The following RUNDC3B variants were observed in gnomAD, a reference collection of about 807,000 sequenced individuals.
The protein encoded by RUNDC3B is RUN domain-containing protein 3B.
Under a neutral mutation model 58.4 loss-of-function variants are expected in RUNDC3B, and 33 were observed. The ratio of observed to expected loss-of-function variants is 0.56; its 90% CI spans 0.43 to 0.75. The LOEUF is 0.75. Ranked by LOEUF, RUNDC3B falls within the 30% of genes least tolerant of loss-of-function variation. RUNDC3B has a pLI of 0.00. For missense variants in RUNDC3B, 501 were observed against 535.7 expected (o/e 0.94, Z 0.64); for synonymous variants, 193 against 195.2 (o/e 0.99, Z 0.10).
intron 9 of RUNDC3B, among the ~76,000 whole-genome samples, chr7:87,812,425 A>T (rs954887749): frequency 1.3e-5 from 2 of 152,168 alleles, no homozygotes; most frequent in African/African-American, 4.8e-5. Flanking sequence ...CCTGGCCAAC[A>T]TGGTGAAACC....
At chr7:87,715,254 T>TATATATAATTAATTTATAATAATC (rs1830457475) in intron 4 of RUNDC3B, among the ~76,000 whole-genome samples, 2 of 133,800 alleles carry the variant, frequency 1.5e-5, no homozygotes, top group Non-Finnish European at 3.1e-5. Flanking sequence ...ATAATTATAT[T>TATATATAATTAATTTATAATAATC]ATATATAATT....
chr7:87,743,751 C>T (rs1459581308), intron 6 of RUNDC3B, among the ~76,000 whole-genome samples: 1 of 152,062 alleles, frequency 6.6e-6, no homozygotes, highest in Non-Finnish European at 1.5e-5. Context: ...AAGATTTTCT[C>T]CTCCTCTGTG....
intron 2 of RUNDC3B, among the ~76,000 whole-genome samples, chr7:87,667,836 T>G (rs1003747595): frequency 1.3e-5 from 2 of 152,098 alleles, no homozygotes; most frequent in African/African-American, 2.4e-5. Flanking sequence ...GGTTGAAGCC[T>G]ACTCAATCTT....
intron 6 of RUNDC3B, among the ~76,000 whole-genome samples, chr7:87,761,021 A>T (rs756723828): frequency 6.6e-6 from 1 of 152,036 alleles, no homozygotes; most frequent in African/African-American, 2.4e-5. Flanking sequence ...AAAAGATACC[A>T]TCAAAAAATG....
intron 6 of RUNDC3B, among the ~76,000 whole-genome samples, chr7:87,747,671 G>T (rs1173486912): frequency 2.0e-5 from 3 of 152,128 alleles, no homozygotes; most frequent in African/African-American, 7.2e-5. Context: ...CTGCTGTTGG[G>T]GATAGGAGTG....
chr7:87,643,287 T>A (rs1822634163), intron 1 of RUNDC3B, among the ~76,000 whole-genome samples: 1 of 152,184 alleles, frequency 6.6e-6, no homozygotes, highest in Non-Finnish European at 1.5e-5. Flanking sequence ...GAAGAGAGTT[T>A]CATGTTTCAG....
chr7:87,667,199 C>T (rs144501643), intron 2 of RUNDC3B, among the ~76,000 whole-genome samples: 120 of 152,134 alleles, frequency 7.9e-4, no homozygotes, highest in African/African-American at 2.7e-3. Context: ...AGAGATTTTT[C>T]ACCTCCCTGG....
intron 1 of RUNDC3B, among the ~76,000 whole-genome samples, chr7:87,631,792 C>G (rs1026239751): frequency 2.0e-5 from 3 of 152,150 alleles, no homozygotes; most frequent in African/African-American, 7.2e-5. Context: ...TTGACTTTAT[C>G]ATTAACTAGT....
chr7:87,787,525 G>A (rs1191533891), intron 8 of RUNDC3B, among the ~76,000 whole-genome samples: 1 of 152,026 alleles, frequency 6.6e-6, no homozygotes, highest in Non-Finnish European at 1.5e-5. Flanking sequence ...CTATTAAAAC[G>A]CTTTTTGATT....
chr7:87,800,751 A>G (rs1208174243), intron 8 of RUNDC3B, among the ~76,000 whole-genome samples: 1 of 150,918 alleles, frequency 6.6e-6, no homozygotes, highest in Non-Finnish European at 1.5e-5. Flanking sequence ...GGCTTAAGTG[A>G]TCCTACCACC....
intron 8 of RUNDC3B, among the ~76,000 whole-genome samples, chr7:87,786,100 G>T (rs929316925): frequency 6.6e-6 from 1 of 152,098 alleles, no homozygotes; most frequent in Admixed American, 6.5e-5. Context: ...AAATGTGATG[G>T]TTTACTTGAT....
chr7:87,810,864 T>A (rs1836677692), intron 9 of RUNDC3B, among the ~76,000 whole-genome samples: 1 of 152,136 alleles, frequency 6.6e-6, no homozygotes, highest in African/African-American at 2.4e-5. Flanking sequence ...TTTAACATGA[T>A]ACCATGTAAA....
intron 4 of RUNDC3B, among the ~76,000 whole-genome samples, chr7:87,730,287 C>G (rs1312319572): frequency 1.3e-5 from 2 of 152,110 alleles, no homozygotes; most frequent in Admixed American, 6.6e-5. Flanking sequence ...CATGGGGTCC[C>G]CAGTTCTAGG....
intron 6 of RUNDC3B, among the ~76,000 whole-genome samples, chr7:87,762,282 G>A (rs1305556612): frequency 1.3e-5 from 2 of 151,246 alleles, no homozygotes; most frequent in African/African-American, 2.4e-5. Flanking sequence ...ATGTTTTATG[G>A]CCCTTACATC....
intron 4 of RUNDC3B, among the ~76,000 whole-genome samples, chr7:87,723,530 T>C (rs1229208851): frequency 6.6e-6 from 1 of 152,142 alleles, no homozygotes; most frequent in Non-Finnish European, 1.5e-5. Flanking sequence ...AAAATACCAA[T>C]CCATCATTAG....
chr7:87,689,650 A>G (rs1003740449), intron 2 of RUNDC3B, among the ~76,000 whole-genome samples: 4 of 152,190 alleles, frequency 2.6e-5, no homozygotes, highest in Admixed American at 1.3e-4. Context: ...GGGAAAGATT[A>G]CACAATTTAG....
At chr7:87,647,077 A>G (rs1460055739) in intron 1 of RUNDC3B, among the ~76,000 whole-genome samples, 1 of 152,166 alleles carries the variant, frequency 6.6e-6, no homozygotes, top group African/African-American at 2.4e-5. Flanking sequence ...AAATTATTTG[A>G]GTGATTATAT....
At chr7:87,772,832 A>C (rs1364434403) in intron 7 of RUNDC3B, among the ~76,000 whole-genome samples, 1 of 152,158 alleles carries the variant, frequency 6.6e-6, no homozygotes, top group Non-Finnish European at 1.5e-5. Flanking sequence ...ATTTTTTGAA[A>C]AATAATTATA....
intron 6 of RUNDC3B, among the ~76,000 whole-genome samples, chr7:87,765,403 G>T (rs1446825797): frequency 6.6e-6 from 1 of 151,788 alleles, no homozygotes; most frequent in East Asian, 1.9e-4. Context: ...GCTAATTTGA[G>T]ATCTTTCTAT....
Sources: gnomAD v4.1 joint callset for allele counts (sites outside exome capture counted in the v4.1 genomes callset) on GRCh38, gnomAD v4.1.1 for gene constraint, MANE v1.5 for transcripts, NCBI Gene and HGNC (gene_info 2026-07-23, HGNC 2026-07-21) for gene names.